Variants in BACH2 observed in about 807,000 individuals in gnomAD.
The protein encoded by BACH2 is transcription regulator protein BACH2.
BACH2 carries 5 observed loss-of-function variants against 61.8 expected under a neutral mutation model. That is an observed-to-expected ratio of 0.08 (90% CI 0.04 to 0.17). The LOEUF (loss-of-function observed/expected upper bound fraction) is 0.17. BACH2 is among the 10% of genes least tolerant of loss of function. BACH2 has a pLI of 1.00. For synonymous variants in BACH2, 446 were observed against 440.1 expected, an observed-to-expected ratio of 1.01 and a Z score of -0.17; for missense variants, 824 against 1,091.1, an observed-to-expected ratio of 0.76 and a Z score of 3.45.
chr6:90,025,767 T>C (rs1778602758), intron 5 of BACH2, among the ~76,000 whole-genome samples: 1 of 152,132 alleles, frequency 6.6e-6, no homozygotes, highest in Non-Finnish European at 1.5e-5. Context: ...GAGATAAGGG[T>C]TAATACTAAA....
At chr6:90,071,836 A>C (rs1243824580) in intron 5 of BACH2, among the ~76,000 whole-genome samples, 2 of 152,256 alleles carry the variant, frequency 1.3e-5, no homozygotes, top group African/African-American at 4.8e-5. Context: ...CAATAAAGTG[A>C]GCTGGAAAAA....
intron 4 of BACH2, among the ~76,000 whole-genome samples, chr6:90,145,220 C>T (rs952327683): frequency 6.6e-6 from 1 of 152,122 alleles, no homozygotes; most frequent in Non-Finnish European, 1.5e-5. Flanking sequence ...GAAAGAATAG[C>T]TCATCTAATC....
chr6:90,272,520 G>T (rs984313181), intron 1 of BACH2, among the ~76,000 whole-genome samples: 1 of 151,910 alleles, frequency 6.6e-6, no homozygotes, highest in African/African-American at 2.4e-5. Flanking sequence ...CCTGCATATG[G>T]TATCTCTACT....
At chr6:90,103,029 A>ATATATATATATATATATTTTTTTT in intron 4 of BACH2, among the ~76,000 whole-genome samples, 1 of 21,164 alleles carries the variant, frequency 4.7e-5, no homozygotes, top group African/African-American at 2.4e-4. Flanking sequence ...ATATATATAT[A>ATATATATATATATATATTTTTTTT]TTTTTTTTTT....
intron 4 of BACH2, among the ~76,000 whole-genome samples, chr6:90,194,254 C>CA (rs1768676898): frequency 2.0e-5 from 3 of 151,896 alleles, no homozygotes; most frequent in African/African-American, 4.8e-5. Context: ...TGAATATGGA[C>CA]AAAAAATGTA....
chr6:89,991,264 T>G (rs1776533056), intron 6 of BACH2, among the ~76,000 whole-genome samples: 1 of 152,212 alleles, frequency 6.6e-6, no homozygotes, highest in Non-Finnish European at 1.5e-5. Context: ...CCATTATTTA[T>G]TTTCCCCAAC....
At chr6:90,260,982 A>G (rs993962266) in intron 2 of BACH2, among the ~76,000 whole-genome samples, 13 of 152,198 alleles carry the variant, frequency 8.5e-5, no homozygotes, top group Non-Finnish European at 1.3e-4. Flanking sequence ...GTGCTTGGTC[A>G]TGACTGGGAG....
At chr6:90,028,114 T>G (rs1039204571) in intron 5 of BACH2, among the ~76,000 whole-genome samples, 18 of 152,148 alleles carry the variant, frequency 1.2e-4, no homozygotes, top group Non-Finnish European at 2.6e-4. Flanking sequence ...GTAGACTTCC[T>G]TCTGCAACAT....
intron 6 of BACH2, among the ~76,000 whole-genome samples, chr6:89,958,633 A>T (rs1774558873): frequency 6.6e-6 from 1 of 152,236 alleles, no homozygotes; most frequent in Non-Finnish European, 1.5e-5. Context: ...AAATGTTTAC[A>T]GTGTCACCTG....
intron 5 of BACH2, among the ~76,000 whole-genome samples, chr6:90,037,631 A>G (rs915926762): frequency 6.6e-6 from 1 of 152,204 alleles, no homozygotes; most frequent in Non-Finnish European, 1.5e-5. Flanking sequence ...GCTCTCCTAC[A>G]GCAACTCTGA....
intron 5 of BACH2, among the ~76,000 whole-genome samples, chr6:90,054,927 GA>G (rs1476747987): frequency 3.9e-5 from 6 of 152,162 alleles, no homozygotes; most frequent in African/African-American, 1.4e-4. Context: ...CTGTTAGAAG[GA>G]AAACTAACAA....
chr6:90,135,415 G>C (rs1238695989), intron 4 of BACH2, among the ~76,000 whole-genome samples: 1 of 152,154 alleles, frequency 6.6e-6, no homozygotes, highest in Non-Finnish European at 1.5e-5. Context: ...TCAGAATTCT[G>C]TTCACAAACA....
intron 6 of BACH2, among the ~76,000 whole-genome samples, chr6:89,986,789 A>G (rs1226638747): frequency 6.6e-6 from 1 of 152,244 alleles, no homozygotes; most frequent in African/African-American, 2.4e-5. Flanking sequence ...TTCATTAGGA[A>G]CAAGTCATGC....
At chr6:90,003,611 A>G (rs1038434377) in intron 6 of BACH2, among the ~76,000 whole-genome samples, 16 of 152,326 alleles carry the variant, frequency 1.1e-4, no homozygotes, top group Non-Finnish European at 2.1e-4. Context: ...TATTTGTTGA[A>G]TGAATAAATA....
chr6:90,228,174 C>T (rs1769977152), intron 3 of BACH2, among the ~76,000 whole-genome samples: 1 of 152,218 alleles, frequency 6.6e-6, no homozygotes, highest in Non-Finnish European at 1.5e-5. Context: ...CAGTTGATTA[C>T]ATTAATCTGA....
chr6:90,225,347 A>C (rs1374440288), intron 3 of BACH2, among the ~76,000 whole-genome samples: 2 of 152,154 alleles, frequency 1.3e-5, no homozygotes, highest in Non-Finnish European at 2.9e-5. Context: ...TGATCATGCC[A>C]CTGCACTCCA....
intron 6 of BACH2, among the ~76,000 whole-genome samples, chr6:89,972,501 A>G (rs1775424225): frequency 1.3e-5 from 2 of 152,188 alleles, no homozygotes; most frequent in South Asian, 4.1e-4. Context: ...ATTGACGAAA[A>G]CAAGGTATCT....
At chr6:90,189,357 C>T (rs1245697198) in intron 4 of BACH2, among the ~76,000 whole-genome samples, 2 of 151,404 alleles carry the variant, frequency 1.3e-5, no homozygotes, top group African/African-American at 4.9e-5. Flanking sequence ...GCCTGTAATC[C>T]CAGCACTTTG....
At chr6:89,952,197 C>T in intron 6 of BACH2, 1 of 306,208 alleles carries the variant, frequency 3.3e-6, no homozygotes, top group Non-Finnish European at 6.2e-6. Flanking sequence ...ATTAATTTCC[C>T]TCCCAATCAG....
Sources: allele counts gnomAD v4.1 joint callset (sites outside exome capture counted in the v4.1 genomes callset), GRCh38; gene constraint gnomAD v4.1.1; transcripts MANE v1.5; gene names NCBI Gene and HGNC (gene_info 2026-07-23, HGNC 2026-07-21).